The following SH3GL2 variants were observed in gnomAD, a reference collection of about 807,000 sequenced individuals.
The protein encoded by SH3GL2 is SH3 domain containing GRB2 like 2, endophilin A1, also known as endophilin-A1.
In SH3GL2, 24 loss-of-function variants were observed where a neutral mutation model predicts 46.0. The ratio of observed to expected loss-of-function variants is 0.52; its 90% confidence interval spans 0.38 to 0.73. The LOEUF is 0.73. SH3GL2 is among the 30% of genes least tolerant of loss of function. SH3GL2 has a pLI of 0.00. For missense variants in SH3GL2, 413 were observed against 424.2 expected, an observed-to-expected ratio of 0.97 and a Z score of 0.23; for synonymous variants, 196 against 147.1, an observed-to-expected ratio of 1.33 and a Z score of -2.40.
chr9:17,609,843 G>C (rs920868220), intron 1 of SH3GL2, among the ~76,000 whole-genome samples: 22 of 152,134 alleles, frequency 1.4e-4, no homozygotes, highest in African/African-American at 4.6e-4. Flanking sequence ...TGGGGGGTAG[G>C]TTGGAAGATT....
At chr9:17,694,934 T>A (rs963995745) in intron 1 of SH3GL2, among the ~76,000 whole-genome samples, 4 of 152,104 alleles carry the variant, frequency 2.6e-5, no homozygotes, top group Non-Finnish European at 5.9e-5. Flanking sequence ...AGGTGATACC[T>A]TGCACAGCAG....
chr9:17,644,940 G>A (rs2208502), intron 1 of SH3GL2, among the ~76,000 whole-genome samples: 140,934 of 151,600 alleles, frequency 0.93, 66,289 homozygotes, highest in East Asian at 1. Flanking sequence ...GTCTCCCACT[G>A]TTATTGTGTG....
At chr9:17,734,645 G>A (rs570630206) in intron 1 of SH3GL2, among the ~76,000 whole-genome samples, 3 of 152,118 alleles carry the variant, frequency 2.0e-5, no homozygotes, top group African/African-American at 7.2e-5. Flanking sequence ...AGTGATACAT[G>A]TCACAACATG....
intron 1 of SH3GL2, among the ~76,000 whole-genome samples, chr9:17,695,795 C>A (rs917432325): frequency 2.0e-5 from 3 of 151,890 alleles, no homozygotes; most frequent in Middle Eastern, 3.4e-3. Context: ...AAAATGGAAA[C>A]ATTGTGAAAA....
chr9:17,795,450 G>C, intron 8 of SH3GL2, 94 bp from the exon 9 acceptor site: 1 of 932,938 alleles, frequency 1.1e-6, no homozygotes, highest in Non-Finnish European at 1.6e-6. Context: ...ACGGGGAGCA[G>C]CAAGCCAGGT....
chr9:17,639,787 C>T (rs1028197926), intron 1 of SH3GL2, among the ~76,000 whole-genome samples: 1 of 151,938 alleles, frequency 6.6e-6, no homozygotes, highest in Non-Finnish European at 1.5e-5. Flanking sequence ...TATTATGTAA[C>T]AACAAAAAGA....
chr9:17,679,449 GAATGC>G, intron 1 of SH3GL2, among the ~76,000 whole-genome samples: 1 of 152,260 alleles, frequency 6.6e-6, no homozygotes, highest in Admixed American at 6.5e-5. Context: ...TGCTGTATAA[GAATGC>G]TTGTGATTTT....
chr9:17,581,202 A>T (rs2134530783), intron 1 of SH3GL2, among the ~76,000 whole-genome samples: 1 of 152,308 alleles, frequency 6.6e-6, no homozygotes, highest in East Asian at 1.9e-4. Context: ...CTTAAAAAAT[A>T]GAGCGCTCCA....
chr9:17,756,829 G>C (rs1823007263), intron 2 of SH3GL2, among the ~76,000 whole-genome samples: 1 of 151,982 alleles, frequency 6.6e-6, no homozygotes, highest in Non-Finnish European at 1.5e-5. Context: ...ATAATCCTTT[G>C]GGTATATACC....
intron 1 of SH3GL2, among the ~76,000 whole-genome samples, chr9:17,629,903 C>T (rs899652415): frequency 6.6e-6 from 1 of 152,138 alleles, no homozygotes; most frequent in Non-Finnish European, 1.5e-5. Context: ...TTTGGGGTCT[C>T]TTACACCACT....
At chr9:17,691,396 A>G (rs936822490) in intron 1 of SH3GL2, among the ~76,000 whole-genome samples, 5 of 152,172 alleles carry the variant, frequency 3.3e-5, no homozygotes, top group East Asian at 3.9e-4. Context: ...TGTTGGACAG[A>G]TAATAGAAAA....
At chr9:17,665,438 A>G (rs895678436) in intron 1 of SH3GL2, among the ~76,000 whole-genome samples, 1 of 152,122 alleles carries the variant, frequency 6.6e-6, no homozygotes, top group Non-Finnish European at 1.5e-5. Flanking sequence ...AGTACAGGCA[A>G]ATTATTTTGT....
At chr9:17,712,323 G>T (rs1223224933) in intron 1 of SH3GL2, among the ~76,000 whole-genome samples, 2 of 151,672 alleles carry the variant, frequency 1.3e-5, no homozygotes, top group African/African-American at 2.4e-5. Context: ...TAAAAATCTA[G>T]TTCATCTAAT....
chr9:17,656,783 A>C (rs910837708), intron 1 of SH3GL2, among the ~76,000 whole-genome samples: 7 of 151,084 alleles, frequency 4.6e-5, no homozygotes, highest in African/African-American at 1.7e-4. Flanking sequence ...AAAAAAAAAA[A>C]AAAACAAAAA....
At chr9:17,714,007 C>G (rs1246225503) in intron 1 of SH3GL2, among the ~76,000 whole-genome samples, 1 of 151,444 alleles carries the variant, frequency 6.6e-6, no homozygotes, top group African/African-American at 2.4e-5. Context: ...AGGATTTTGT[C>G]TGTTTTACTT....
rs150305781 is a variant in SH3GL2, at chr9:17,586,912, C to T, written c.45+7625C>T. 3.0e-3 allele frequency among the ~76,000 whole-genome samples: 451 copies of T among 152,246 alleles called. 2 individuals are homozygous for T. The highest frequency in any genetic ancestry group is 0.01 in the African/African-American group (417 of 41,562). ...AAAGCAGATAGCCTATGCTTTTAAA[C>T]GTACAGGAAATCGGCTGGGTGCGGT... On this transcript the variant is annotated intron_variant, in intron 1 of 8. Transcript: ENST00000380607.
chr9:17,667,159 A>G (rs1030735078), intron 1 of SH3GL2, among the ~76,000 whole-genome samples: 3 of 152,102 alleles, frequency 2.0e-5, no homozygotes, highest in African/African-American at 7.2e-5. Context: ...ACTGTGATAC[A>G]TGTTGCAGCA....
intron 1 of SH3GL2, among the ~76,000 whole-genome samples, chr9:17,732,861 A>G (rs981250110): frequency 2.0e-5 from 3 of 152,174 alleles, no homozygotes; most frequent in Non-Finnish European, 4.4e-5. Flanking sequence ...CTGAAGTTGC[A>G]TATTGATTAT....
In SH3GL2 at chr9:17,619,656, A is replaced by G. The variant is rs781666047; in HGVS notation, c.45+40369A>G. Among the ~76,000 whole-genome samples, 14 of 151,864 alleles carry G rather than the reference A, an allele frequency of 9.2e-5. No individual in the cohort carries two copies. The East Asian group carries it at 1.5e-3, about 17-fold the overall frequency. On this transcript the variant is annotated intron_variant, in intron 1 of 8. Transcript: ENST00000380607. ...GTCACCATTGCGCTCTAGCCTGGGC[A>G]ACAAGAGTGAAACTCCATCTCAAAA...
Sources: gnomAD v4.1 joint callset for allele counts (sites outside exome capture counted in the v4.1 genomes callset) on GRCh38, gnomAD v4.1.1 for gene constraint, MANE v1.5 for transcripts, NCBI Gene and HGNC (gene_info 2026-07-23, HGNC 2026-07-21) for gene names.